The following CDH13 variants were observed in gnomAD, a reference collection of about 807,000 sequenced individuals.
CDH13 encodes cadherin 13, also known as cadherin-13.
A neutral mutation model predicts 63.8 loss-of-function variants in CDH13; 24 were observed. That is an observed-to-expected ratio of 0.38 (90% confidence interval 0.27 to 0.53). The LOEUF (loss-of-function observed/expected upper bound fraction) is 0.53, where lower values mean the gene tolerates loss of function less well. CDH13 is among the 20% of genes least tolerant of loss of function. CDH13 has a pLI of 0.85. For synonymous variants in CDH13, 503 were observed against 355.3 expected (o/e 1.42, Z -4.67); for missense variants, 1,049 against 903.1 (o/e 1.16, Z -2.07).
chr16:82,735,568 A>G (rs1300903577), intron 1 of CDH13, among the ~76,000 whole-genome samples: 1 of 152,238 alleles, frequency 6.6e-6, no homozygotes. Context: ...ACAGAGTACT[A>G]TGTGTAATAG....
chr16:83,512,365 T>TA (rs751505976), intron 7 of CDH13, among the ~76,000 whole-genome samples: 215 of 108,556 alleles, frequency 2.0e-3, no homozygotes, highest in Admixed American at 3.4e-3. Context: ...AATAAATAAA[T>TA]AAATAAAATA....
At chr16:82,892,333 A>T (rs7187447) in intron 2 of CDH13, among the ~76,000 whole-genome samples, 1 of 151,948 alleles carries the variant, frequency 6.6e-6, no homozygotes, top group Non-Finnish European at 1.5e-5. Context: ...ATGCTCACAC[A>T]CTCTAGTCTT....
intron 2 of CDH13, among the ~76,000 whole-genome samples, chr16:82,921,995 TTTGTGTCA>T (rs1364135804): frequency 1.3e-5 from 2 of 152,178 alleles, no homozygotes; most frequent in Non-Finnish European, 2.9e-5. Context: ...AGTTTGGTAA[TTTGTGTCA>T]TTCTAGAAAT....
intron 1 of CDH13, among the ~76,000 whole-genome samples, chr16:82,716,674 G>A (rs56412137): frequency 2.7e-5 from 4 of 149,732 alleles, no homozygotes; most frequent in Non-Finnish European, 5.9e-5. Flanking sequence ...GGGTATTAAG[G>A]GGGGTGACTA....
At chr16:83,625,215 C>G (rs534197422) in intron 8 of CDH13, among the ~76,000 whole-genome samples, 1 of 140,568 alleles carries the variant, frequency 7.1e-6, no homozygotes, top group Non-Finnish European at 1.6e-5. Context: ...TGTGTGTGTG[C>G]ACACGTGTGT....
At chr16:82,681,130 C>T (rs1181384676) in intron 1 of CDH13, among the ~76,000 whole-genome samples, 1 of 152,136 alleles carries the variant, frequency 6.6e-6, no homozygotes, top group Non-Finnish European at 1.5e-5. Flanking sequence ...ACTCTGGTGT[C>T]TGAAAGATTA....
At chr16:82,936,515 C>T (rs946285026) in intron 2 of CDH13, among the ~76,000 whole-genome samples, 1 of 152,074 alleles carries the variant, frequency 6.6e-6, no homozygotes, top group South Asian at 2.1e-4. Context: ...AAAACTGGTC[C>T]TTGGTGCTGA....
intron 2 of CDH13, among the ~76,000 whole-genome samples, chr16:82,996,945 T>G (rs1235467316): frequency 8.8e-6 from 1 of 113,208 alleles, no homozygotes; most frequent in African/African-American, 4.3e-5. Flanking sequence ...TACGATGGTG[T>G]TGTTGATGAT....
intron 6 of CDH13, among the ~76,000 whole-genome samples, chr16:83,454,714 A>ATT (rs34207129): frequency 6.7e-6 from 1 of 149,848 alleles, no homozygotes; most frequent in African/African-American, 2.5e-5. Context: ...TGTTCTATTG[A>ATT]TTTTTTTTTT....
chr16:83,692,669 C>A (rs1189744741), intron 10 of CDH13, among the ~76,000 whole-genome samples: 1 of 152,176 alleles, frequency 6.6e-6, no homozygotes, highest in African/African-American at 2.4e-5. Context: ...CTTATGGAAG[C>A]AAAGGAAACT....
intron 7 of CDH13, among the ~76,000 whole-genome samples, chr16:83,525,189 G>A (rs1321180753): frequency 2.6e-5 from 4 of 151,946 alleles, no homozygotes; most frequent in Non-Finnish European, 5.9e-5. Flanking sequence ...AACCAACCAC[G>A]GGCCAGTAGA....
intron 2 of CDH13, among the ~76,000 whole-genome samples, chr16:82,969,715 A>G (rs947144461): frequency 6.6e-6 from 1 of 152,012 alleles, no homozygotes; most frequent in Non-Finnish European, 1.5e-5. Context: ...TCGTAAAATT[A>G]CCCCTGGTTG....
intron 1 of CDH13, among the ~76,000 whole-genome samples, chr16:82,837,555 G>T (rs548871964): frequency 3.3e-5 from 5 of 152,252 alleles, no homozygotes; most frequent in Admixed American, 6.5e-5. Flanking sequence ...AAGGGCAAAG[G>T]CCTGTGAGCG....
intron 6 of CDH13, among the ~76,000 whole-genome samples, chr16:83,357,334 T>A (rs1463293999): frequency 6.6e-6 from 1 of 152,208 alleles, no homozygotes; most frequent in East Asian, 1.9e-4. Flanking sequence ...TGTGTACATA[T>A]ACGTGTGTAT....
At chr16:83,048,425 C>T (rs767374650) in intron 3 of CDH13, among the ~76,000 whole-genome samples, 1 of 152,166 alleles carries the variant, frequency 6.6e-6, no homozygotes, top group African/African-American at 2.4e-5. Flanking sequence ...TGTGCCAACT[C>T]CCTCTCTGCA....
chr16:83,599,977 T>C (rs1215852502), intron 7 of CDH13, among the ~76,000 whole-genome samples: 1 of 152,148 alleles, frequency 6.6e-6, no homozygotes, highest in Admixed American at 6.5e-5. Flanking sequence ...TAGCCAATAG[T>C]ACATGCAGTC....
chr16:82,652,048 C>G (rs1397300933), intron 1 of CDH13, among the ~76,000 whole-genome samples: 4 of 152,224 alleles, frequency 2.6e-5, no homozygotes, highest in African/African-American at 9.6e-5. Context: ...ACTTGCTCGG[C>G]CAACCTATTG....
intron 1 of CDH13, among the ~76,000 whole-genome samples, chr16:82,654,898 G>C (rs942675647): frequency 6.6e-6 from 1 of 152,104 alleles, no homozygotes; most frequent in Non-Finnish European, 1.5e-5. Flanking sequence ...ACACTACTGA[G>C]GTAGATGGAG....
chr16:83,749,789 CCTAA>C (rs1476662202), intron 11 of CDH13, among the ~76,000 whole-genome samples: 1 of 152,070 alleles, frequency 6.6e-6, no homozygotes, highest in African/African-American at 2.4e-5. Context: ...AGTAGAGTGT[CCTAA>C]CTGTTCTGAT....
Sources: gnomAD v4.1 joint callset for allele counts (sites outside exome capture counted in the v4.1 genomes callset) on GRCh38, gnomAD v4.1.1 for gene constraint, MANE v1.5 for transcripts, NCBI Gene and HGNC (gene_info 2026-07-23, HGNC 2026-07-21) for gene names.